The following ZNF804B variants were observed in gnomAD, a reference collection of about 807,000 sequenced individuals.
ZNF804B encodes the protein zinc finger protein 804B.
Under a neutral mutation model 101.4 loss-of-function variants are expected in ZNF804B, and 80 were observed. The ratio of observed to expected loss-of-function variants is 0.79; its 90% CI spans 0.66 to 0.95. ZNF804B has a LOEUF of 0.95. ZNF804B is among the 40% of genes least tolerant of loss of function. The pLI, the probability that ZNF804B is intolerant of heterozygous loss-of-function variation, is 0.00. For synonymous variants in ZNF804B, 622 were observed against 558.8 expected, an observed-to-expected ratio of 1.11 and a Z score of -1.59; for missense variants, 1,673 against 1,561.9, an observed-to-expected ratio of 1.07 and a Z score of -1.20.
chr7:89,121,561 T>C (rs1398854693), intron 1 of ZNF804B, among the ~76,000 whole-genome samples: 1 of 152,192 alleles, frequency 6.6e-6, no homozygotes, highest in East Asian at 1.9e-4. Context: ...AAGTAACATG[T>C]TAATACTTTT....
In ZNF804B at chr7:88,759,818, G is replaced by A. The variant is rs1789862933; in HGVS notation, c.-159G>A. ...GTCGGCAGCAGGAGCCCCGCACGGG[G>A]CGCGGAGCAGGGACGCGCTGCCACC... On this transcript the variant is annotated 5_prime_UTR_variant, in exon 1 of 4. Transcript: ENST00000333190. 4 of 621,950 alleles carry A rather than the reference G, an allele frequency of 6.4e-6. No homozygotes were observed. The highest frequency in any genetic ancestry group is 8.5e-6 in the Non-Finnish European group (3 of 351,302). 38.5% of individuals were successfully genotyped at this position (621,950 alleles called of 1,614,324 possible). A position where few individuals can be genotyped will look rare whatever the true frequency, so the allele number is the denominator to read the frequency against.
At position 89,186,814 on chromosome 7, in the gene ZNF804B, T is replaced by C. The variant is rs143726338; in HGVS notation, c.109-31341T>C. ...AAATACTTGTTCACCTACATGAGCCTGGAGTAATATGATATAGCAGTTGTG... is the reference window on the plus strand; with the variant it reads ...AAATACTTGTTCACCTACATGAGCCCGGAGTAATATGATATAGCAGTTGTG... On this transcript the variant is annotated intron_variant, in intron 1 of 3. Coordinates refer to ENST00000333190, the MANE Select transcript of ZNF804B (RefSeq NM_181646.5). Among the ~76,000 whole-genome samples the C allele has an allele frequency of 1.7e-3, 262 of 152,248 alleles. 1 individual carries two copies. The highest frequency in any genetic ancestry group is 3.1e-3 in the Non-Finnish European group (214 of 68,008).
intron 2 of ZNF804B, among the ~76,000 whole-genome samples, chr7:89,258,692 A>C (rs1789670217): frequency 6.6e-6 from 1 of 152,190 alleles, no homozygotes; most frequent in Non-Finnish European, 1.5e-5. Flanking sequence ...CACAAGCCTT[A>C]ACAATAACAT....
intron 1 of ZNF804B, among the ~76,000 whole-genome samples, chr7:88,875,291 G>T (rs1432832097): frequency 6.6e-6 from 1 of 151,270 alleles, no homozygotes; most frequent in Non-Finnish European, 1.5e-5. Flanking sequence ...CTAGCTGAAG[G>T]CAAGAAATAA....
At chr7:88,791,991 T>C (rs1359851339) in intron 1 of ZNF804B, among the ~76,000 whole-genome samples, 2 of 151,956 alleles carry the variant, frequency 1.3e-5, no homozygotes, top group Non-Finnish European at 1.5e-5. Context: ...CACTCACATG[T>C]CTAGTGGATG....
At chr7:89,324,694 A>T (rs1177308736) in intron 2 of ZNF804B, among the ~76,000 whole-genome samples, 2 of 148,550 alleles carry the variant, frequency 1.3e-5, no homozygotes, top group African/African-American at 5.0e-5. Flanking sequence ...TGGCTAAAAC[A>T]CTTTATCATT....
chr7:89,188,527 G>A (rs951331078), intron 1 of ZNF804B, among the ~76,000 whole-genome samples: 6 of 152,148 alleles, frequency 3.9e-5, no homozygotes, highest in Admixed American at 3.9e-4. Context: ...ATTAAGCTTA[G>A]TCAGGAAGGC....
intron 2 of ZNF804B, among the ~76,000 whole-genome samples, chr7:89,273,172 T>C (rs1348215578): frequency 6.6e-6 from 1 of 152,150 alleles, no homozygotes; most frequent in East Asian, 1.9e-4. Flanking sequence ...GAGGATTTTT[T>C]ACTAAAACCA....
At chr7:89,134,523 C>G (rs991507799) in intron 1 of ZNF804B, among the ~76,000 whole-genome samples, 4 of 152,020 alleles carry the variant, frequency 2.6e-5, no homozygotes, top group Admixed American at 6.6e-5. Flanking sequence ...CTAACTCTTT[C>G]AGGCATGTGA....
At chr7:88,818,344 TTAAA>T (rs1171314418) in intron 1 of ZNF804B, among the ~76,000 whole-genome samples, 1 of 152,130 alleles carries the variant, frequency 6.6e-6, no homozygotes, top group Non-Finnish European at 1.5e-5. Context: ...ATTATCCTAA[TTAAA>T]TAAATAACAT....
At chr7:89,185,714 G>A (rs866189807) in intron 1 of ZNF804B, among the ~76,000 whole-genome samples, 1 of 151,954 alleles carries the variant, frequency 6.6e-6, no homozygotes, top group Middle Eastern at 3.2e-3. Context: ...ACACAAATTA[G>A]CCAGATGTGG....
chr7:88,934,511 A>AATAAT (rs1792937464), intron 1 of ZNF804B, among the ~76,000 whole-genome samples: 1 of 151,966 alleles, frequency 6.6e-6, no homozygotes, highest in African/African-American at 2.4e-5. Flanking sequence ...CCAACAAAGG[A>AATAAT]ATAATATCCA....
Position 89,334,882 on chromosome 7 carries a change from T to A in ZNF804B, c.1900T>A (p.Phe634Ile), listed in dbSNP as rs801840. The stretch of plus-strand genomic sequence containing the variant: ...ATCTTTTCCTTCCTACATCTCTAGG[T>A]TTAAAAAGCATAAATTGATTCCCTG... ...DLSFPSYISRFKKHKLIPCSP... is the reference protein window; with the variant it reads ...DLSFPSYISRIKKHKLIPCSP... Residue 634 changes from phenylalanine to isoleucine, a missense_variant, in exon 4 of 4, where the codon TTT (phenylalanine) becomes ATT (isoleucine). Transcript: ENST00000333190. The A allele has an allele frequency of 0.28, 450,992 of 1,613,424 alleles. 77,495 individuals carry two copies. The highest frequency in any genetic ancestry group is 0.71 in the African/African-American group (52,850 of 74,914).
chr7:88,909,928 G>A (rs1792524329), intron 1 of ZNF804B, among the ~76,000 whole-genome samples: 1 of 151,588 alleles, frequency 6.6e-6, no homozygotes, highest in Admixed American at 6.6e-5. Context: ...CTGCCTTTTG[G>A]TAAATAATAG....
intron 1 of ZNF804B, among the ~76,000 whole-genome samples, chr7:89,067,682 T>G (rs1789473601): frequency 2.6e-5 from 4 of 152,090 alleles, no homozygotes; most frequent in Non-Finnish European, 5.9e-5. Context: ...TAGTAAAATT[T>G]TACAAAGGGA....
intron 1 of ZNF804B, among the ~76,000 whole-genome samples, chr7:89,104,416 A>G (rs1003338148): frequency 9.2e-5 from 14 of 151,728 alleles, no homozygotes; most frequent in Non-Finnish European, 2.9e-5. Flanking sequence ...GTTCTTCTTC[A>G]TTATTGGTTT....
chr7:88,964,337 T>C (rs1221799438), intron 1 of ZNF804B, among the ~76,000 whole-genome samples: 1 of 151,500 alleles, frequency 6.6e-6, no homozygotes, highest in Non-Finnish European at 1.5e-5. Context: ...TACAATGAAA[T>C]ATTTTTGATC....
intron 1 of ZNF804B, among the ~76,000 whole-genome samples, chr7:89,003,417 T>A (rs2116176849): frequency 6.6e-6 from 1 of 152,078 alleles, no homozygotes; most frequent in African/African-American, 2.4e-5. Flanking sequence ...AGTGGGATAA[T>A]GTGTGATCTG....
intron 1 of ZNF804B, among the ~76,000 whole-genome samples, chr7:89,057,212 G>A (rs936596774): frequency 1.3e-5 from 2 of 152,102 alleles, no homozygotes; most frequent in African/African-American, 2.4e-5. Flanking sequence ...CCCAGTGTCA[G>A]GAATCCTGTC....
Sources: gnomAD v4.1 joint callset for allele counts (sites outside exome capture counted in the v4.1 genomes callset) on GRCh38, gnomAD v4.1.1 for gene constraint, MANE v1.5 for transcripts, NCBI Gene and HGNC (gene_info 2026-07-23, HGNC 2026-07-21) for gene names.